Variants in SRF observed in about 807,000 individuals in gnomAD.
SRF encodes the protein c-fos serum response element-binding transcription factor.
A neutral mutation model predicts 37.1 loss-of-function variants in SRF; 7 were observed. That is an observed-to-expected ratio of 0.19 (90% CI 0.11 to 0.35). The LOEUF (loss-of-function observed/expected upper bound fraction) is 0.35. Among genes scored for constraint, SRF ranks in the 10% least tolerant of loss-of-function variants. The pLI, the probability that SRF is intolerant of heterozygous loss-of-function variation, is 1.00. For missense variants in SRF, 395 were observed against 694.4 expected (o/e 0.57, Z 4.85); for synonymous variants, 285 against 310.1 (o/e 0.92, Z 0.85).
In SRF at chr6:43,176,622, C is replaced by T. The variant is rs770650422; in HGVS notation, c.1117C>T (p.Arg373Cys). The change falls in exon 4 of 7, where the codon CGT (arginine) becomes TGT (cysteine). Residue 373 changes from arginine (R) to cysteine (C), a missense_variant. Arg to Cys is a radical substitution (Grantham distance 180). Transcript: ENST00000265354. This position sits in a 1 kb window ranked among gnomAD's most constrained non-coding sequence, Gnocchi z 4.0. ...HQAPQQASPS[R>C]DSSTDLTQTS... The stretch of plus-strand genomic sequence containing the variant: ...GGCCCCACAGCAAGCGTCTCCCTCC[C>T]GTGACAGCAGCACAGACCTCACGCA... 5.6e-5 allele frequency: 91 copies of T among 1,614,044 alleles called. 1 individual carries two copies. The highest frequency in any genetic ancestry group is 2.9e-4 in the South Asian group (26 of 91,088).
chr6:43,175,806 G>A lies in SRF; in HGVS notation c.881G>A (p.Gly294Asp). 1 of 1,614,200 alleles carries A rather than the reference G, an allele frequency of 6.2e-7. No homozygotes were observed. Among genetic ancestry groups the A allele is most frequent in the South Asian group, 1.1e-5 (1 of 91,086 alleles). ...STSTTMQVSS[G>D]PSFPITNYLA... Reference sequence around the variant, plus strand: ...TCTACCACCATGCAAGTCAGCAGCGGCCCCTCCTTTCCCATCACCAACTAC... The same window carrying A: ...TCTACCACCATGCAAGTCAGCAGCGACCCCTCCTTTCCCATCACCAACTAC... Residue 294 changes from glycine (G) to aspartate (D), a missense_variant, in exon 3 of 7, where the codon GGC becomes GAC. Transcript: ENST00000265354.
In SRF at chr6:43,176,781, G is replaced by A; in HGVS notation, c.1162+114G>A. On this transcript the variant is annotated intron_variant, in intron 4 of 6. Transcript: ENST00000265354. The surrounding 1 kb of genome is among the most constrained non-coding windows in gnomAD (Gnocchi z 4.0). ...AAGTCAGGGGATTTCTTAAAGTGGA[G>A]ATTGAGGCTTTGGGCCTAATAATTA... The A allele has an allele frequency of 6.8e-7, 1 of 1,460,984 alleles. No individual in the cohort carries two copies. Among genetic ancestry groups the A allele is most frequent in the South Asian group, 1.3e-5 (1 of 75,940 alleles). The allele number at this position is 1,460,984 out of a possible 1,614,324, so 90.5% of individuals were successfully genotyped here.
chr6:43,174,535 T>A (rs6902679), intron 2 of SRF, among the ~76,000 whole-genome samples: 23,765 of 152,270 alleles, frequency 0.16, 3,195 homozygotes, highest in East Asian at 0.37. Context: ...GGCCGGGGAC[T>A]ACCTTACAAG....
rs750436067 is a variant in SRF, at chr6:43,180,695, C to T, written c.*1505C>T. ...TTTACCCTGTGTCAGAGCCTACCTT[C>T]ACCACCTATATCCAGAAGGGGAGCT... On this transcript the variant is annotated 3_prime_UTR_variant, in exon 7 of 7. Coordinates refer to ENST00000265354, the MANE Select transcript of SRF (RefSeq NM_003131.4). The T allele has an allele frequency of 3.9e-5, 6 of 152,580 alleles. No homozygotes were observed. The highest frequency in any genetic ancestry group is 5.9e-5 in the Non-Finnish European group (4 of 68,066). 9.5% of individuals were successfully genotyped at this position (152,580 alleles called of 1,614,324 possible). A position where few individuals can be genotyped will look rare whatever the true frequency, so the allele number is the denominator to read the frequency against.
At position 43,179,255 on chromosome 6, in the gene SRF, C is replaced by T. The variant is rs1039967845; in HGVS notation, c.*65C>T. ...CCACTTATTTATTGTTGCCTTTTCACGTTTTCTTTACACACACGTTGACGG... is the reference window on the plus strand; with the variant it reads ...CCACTTATTTATTGTTGCCTTTTCATGTTTTCTTTACACACACGTTGACGG... On this transcript the variant is annotated 3_prime_UTR_variant, in exon 7 of 7. Coordinates refer to ENST00000265354, the MANE Select transcript of SRF (RefSeq NM_003131.4). The surrounding 1 kb of genome is among the most constrained non-coding windows in gnomAD (Gnocchi z 5.3). 3.8e-6 allele frequency: 6 copies of T among 1,568,758 alleles called. No homozygotes were observed. Among genetic ancestry groups the T allele is most frequent in the East Asian group, 2.2e-5 (1 of 44,460 alleles).
At position 43,178,370 on chromosome 6, in the gene SRF, T is replaced by C; in HGVS notation, c.1239T>C (p.His413=). Residue 413 remains histidine, a synonymous_variant, in exon 5 of 7, where the codon CAT becomes CAC. Transcript: ENST00000265354. This position sits in a 1 kb window ranked among gnomAD's most constrained non-coding sequence, Gnocchi z 4.3. The stretch of plus-strand genomic sequence containing the variant: ...GCCACATGATGTACCCTAGCCCGCA[T>C]GCGGTGATGTATGCCCCCACCTCGG... ...VGGHMMYPSP[H]AVMYAPTSGL... is the part of the protein sequence containing the mutation. 1 of 1,614,084 alleles carries C rather than the reference T, an allele frequency of 6.2e-7. No homozygotes were observed. The highest frequency in any genetic ancestry group is 1.1e-5 in the South Asian group (1 of 91,090).
intron 4 of SRF, among the ~76,000 whole-genome samples, chr6:43,177,241 T>TTTTTTTTTTTTA: frequency 6.8e-6 from 1 of 147,950 alleles, no homozygotes; most frequent in Non-Finnish European, 1.5e-5. Flanking sequence ...TTTTTTTTTT[T>TTTTTTTTTTTTA]TTTTGAGACG....
rs1772144000 is a variant in SRF, at chr6:43,173,423, G to C, written c.514-424G>C. Among the ~76,000 whole-genome samples, 1 of 152,214 alleles carries C rather than the reference G, an allele frequency of 6.6e-6. No individual in the cohort carries two copies. The highest frequency in any genetic ancestry group is 2.4e-5 in the African/African-American group (1 of 41,452). On this transcript the variant is annotated intron_variant, in intron 1 of 6. Transcript: ENST00000265354. This position sits in a 1 kb window ranked among gnomAD's most constrained non-coding sequence, Gnocchi z 4.2. ...TGGAAAGAAACATGGGACAGTTGGA[G>C]CTTAAATGGTCCATTATCACTAATG...
Position 43,178,562 on chromosome 6 carries a change from C to A in SRF, c.1354+77C>A, listed in dbSNP as rs1183458457. On this transcript the variant is annotated intron_variant, in intron 5 of 6. Transcript: ENST00000265354. This position sits in a 1 kb window ranked among gnomAD's most constrained non-coding sequence, Gnocchi z 4.3. ...ACACACACACACACACATACACACA[C>A]ATATGCACTGATGCCTACAAATATT... 4.1e-6 allele frequency: 6 copies of A among 1,480,526 alleles called. No homozygotes were observed. 91.7% of individuals were successfully genotyped at this position (1,480,526 alleles called of 1,614,324 possible).
rs1271054458 is a variant in SRF, at chr6:43,171,570, C to T, written c.-87C>T. The T allele has an allele frequency of 1.7e-6, 2 of 1,159,248 alleles. No individual in the cohort carries two copies. The highest frequency in any genetic ancestry group is 2.1e-6 in the Non-Finnish European group (2 of 936,786). The allele number at this position is 1,159,248 out of a possible 1,614,324, so 71.8% of individuals were successfully genotyped here. A position where few individuals can be genotyped will look rare whatever the true frequency, so the allele number is the denominator to read the frequency against. ...AGCGGCACTAGCAGCAGCGGGAGTG[C>T]CGGGTTGAGCCGGGAAGCCGATGGC... is the stretch of plus-strand genomic sequence containing the variant. On this transcript the variant is annotated 5_prime_UTR_variant, in exon 1 of 7. Coordinates refer to ENST00000265354, the MANE Select transcript of SRF (RefSeq NM_003131.4). This position sits in a 1 kb window ranked among gnomAD's most constrained non-coding sequence, Gnocchi z 6.5.
At position 43,173,449 on chromosome 6, in the gene SRF, T is replaced by A. The variant is rs2150495206; in HGVS notation, c.514-398T>A. On this transcript the variant is annotated intron_variant, in intron 1 of 6. Coordinates refer to ENST00000265354, the MANE Select transcript of SRF (RefSeq NM_003131.4). The surrounding 1 kb of genome is among the most constrained non-coding windows in gnomAD (Gnocchi z 4.2). ...CTTAAATGGTCCATTATCACTAATGTCTTGTACAAATTCCAGTGTGATAGG... is the reference window on the plus strand; with the variant it reads ...CTTAAATGGTCCATTATCACTAATGACTTGTACAAATTCCAGTGTGATAGG... 6.6e-6 allele frequency among the ~76,000 whole-genome samples: 1 copy of A among 152,286 alleles called. No individual in the cohort carries two copies. The highest frequency in any genetic ancestry group is 2.4e-5 in the African/African-American group (1 of 41,548).
Position 43,176,316 on chromosome 6 carries a change from G to A in SRF, c.1043-232G>A, listed in dbSNP as rs3730363. On this transcript the variant is annotated intron_variant, in intron 3 of 6. Transcript: ENST00000265354. This position sits in a 1 kb window ranked among gnomAD's most constrained non-coding sequence, Gnocchi z 4.0. ...GTTATTGCCAGCTCTTGGGTCAACT[G>A]AAGAAAAGAGAGACAAGGCCCAGGG... Among the ~76,000 whole-genome samples the A allele has an allele frequency of 0.083, 12,606 of 152,258 alleles. 567 individuals carry two copies. The highest frequency in any genetic ancestry group is 0.11 in the African/African-American group (4,414 of 41,544).
Position 43,178,038 on chromosome 6 carries a change from T to G in SRF, c.1163-256T>G, listed in dbSNP as rs1206801440. ...GTCATAATCTTTGTTTTTCCCAAGA[T>G]TTAGGACTTAGAGAATTCAGTAGAT... is the stretch of plus-strand genomic sequence containing the variant. On this transcript the variant is annotated intron_variant, in intron 4 of 6. Coordinates refer to ENST00000265354, the MANE Select transcript of SRF (RefSeq NM_003131.4). The surrounding 1 kb of genome is among the most constrained non-coding windows in gnomAD (Gnocchi z 4.3). Among the ~76,000 whole-genome samples the G allele has an allele frequency of 2.0e-5, 3 of 152,106 alleles. No individual in the cohort carries two copies. Among genetic ancestry groups the G allele is most frequent in the Admixed American group, 6.5e-5 (1 of 15,276 alleles).
intron 4 of SRF, among the ~76,000 whole-genome samples, chr6:43,177,849 A>T (rs1237789289): frequency 1.3e-5 from 2 of 148,556 alleles, no homozygotes; most frequent in Non-Finnish European, 3.0e-5. Flanking sequence ...CAGGAGGCGG[A>T]GCTTGCAGTG....
At position 43,172,003 on chromosome 6, in the gene SRF, C is replaced by T. The variant is rs777387840; in HGVS notation, c.347C>T (p.Ala116Val). The T allele has an allele frequency of 1.4e-5, 22 of 1,575,196 alleles. No homozygotes were observed. Among genetic ancestry groups the T allele is most frequent in the Non-Finnish European group, 1.8e-5 (21 of 1,162,258 alleles). ...GGTATGGTGGTCGGTGGGCCCGAGG[C>T]GTCGGCAGCGGCCACCGGGGGCTAC... ...EIGMVVGGPE[A>V]SAAATGGYGP... The change falls in exon 1 of 7, where the codon GCG (alanine) becomes GTG (valine). Residue 116 changes from alanine to valine, a missense_variant. This residue lies in a region of SRF where 134 missense variants were observed against 204.5 expected (regional missense o/e 0.66). Transcript: ENST00000265354. The surrounding 1 kb of genome is among the most constrained non-coding windows in gnomAD (Gnocchi z 5.7).
At position 43,178,792 on chromosome 6, in the gene SRF, G is replaced by A; in HGVS notation, c.1355-14G>A. The A allele has an allele frequency of 1.2e-6, 2 of 1,614,068 alleles. No individual in the cohort carries two copies. The highest frequency in any genetic ancestry group is 2.2e-5 in the South Asian group (2 of 91,088). On this transcript the variant is annotated splice_polypyrimidine_tract_variant and intron_variant, in intron 5 of 6. Transcript: ENST00000265354. The surrounding 1 kb of genome is among the most constrained non-coding windows in gnomAD (Gnocchi z 4.3). ...ACAAACAATTTGAGTATCTCCTGTG[G>A]TTTTCCAATGTAGGTGGCGTCCCCC...
Position 43,178,677 on chromosome 6 carries a change from A to C in SRF, c.1355-129A>C. The C allele has an allele frequency of 8.0e-7, 1 of 1,246,174 alleles. No individual in the cohort carries two copies. The highest frequency in any genetic ancestry group is 1.2e-6 in the Non-Finnish European group (1 of 860,272). 77.2% of individuals were successfully genotyped at this position (1,246,174 alleles called of 1,614,324 possible). A position where few individuals can be genotyped will look rare whatever the true frequency, so the allele number is the denominator to read the frequency against. ...CACACCCGCATGCACCCTCAGACAC[A>C]CTGGCACCCTTTCCCTTGGGCTCTT... On this transcript the variant is annotated intron_variant, in intron 5 of 6. Coordinates refer to ENST00000265354, the MANE Select transcript of SRF (RefSeq NM_003131.4). This position sits in a 1 kb window ranked among gnomAD's most constrained non-coding sequence, Gnocchi z 4.3.
At position 43,172,564 on chromosome 6, in the gene SRF, G is replaced by A. The variant is rs1446008546; in HGVS notation, c.513+395G>A. ...TCGGACGAGGGCGCCGGAAAAGCAGGGAGCAAACGAGAAGGTATGGAGGTG... is the reference window on the plus strand; with the variant it reads ...TCGGACGAGGGCGCCGGAAAAGCAGAGAGCAAACGAGAAGGTATGGAGGTG... On this transcript the variant is annotated intron_variant, in intron 1 of 6. Transcript: ENST00000265354. This position sits in a 1 kb window ranked among gnomAD's most constrained non-coding sequence, Gnocchi z 5.7. The A allele has an allele frequency of 1.5e-6, 1 of 646,432 alleles. No homozygotes were observed. 40.0% of individuals were successfully genotyped at this position (646,432 alleles called of 1,614,324 possible).
Position 43,171,817 on chromosome 6 carries a change from G to A in SRF, c.161G>A (p.Gly54Asp). 4.9e-6 allele frequency: 6 copies of A among 1,234,444 alleles called. No homozygotes were observed. Among genetic ancestry groups the A allele is most frequent in the Non-Finnish European group, 6.1e-6 (6 of 989,790 alleles). 76.5% of individuals were successfully genotyped at this position (1,234,444 alleles called of 1,614,324 possible). Residue 54 changes from glycine (G) to aspartate (D), a missense_variant, in exon 1 of 7, where the codon GGC becomes GAC. Around this residue, in one of 4 missense-constraint regions of SRF, gnomAD observed 134 missense variants for 204.5 expected, o/e 0.66. Transcript: ENST00000265354. This position sits in a 1 kb window ranked among gnomAD's most constrained non-coding sequence, Gnocchi z 6.5. ...VPGNGAGLGP[G>D]RLEREAAAAA... Reference sequence around the variant, plus strand: ...GGGAATGGCGCGGGGCTCGGGCCCGGCCGCCTGGAGCGGGAGGCTGCGGCA... The same window carrying A: ...GGGAATGGCGCGGGGCTCGGGCCCGACCGCCTGGAGCGGGAGGCTGCGGCA...
Sources: allele counts gnomAD v4.1 joint callset (sites outside exome capture counted in the v4.1 genomes callset), GRCh38; gene constraint gnomAD v4.1.1; regional missense constraint gnomAD v4.1.1; non-coding constraint Gnocchi (gnomAD v3.1); transcripts MANE v1.5; gene names NCBI Gene and HGNC (gene_info 2026-07-23, HGNC 2026-07-21).